CNST: variants seen among roughly 807,000 people sequenced by gnomAD.
The protein encoded by CNST is consortin.
Under a neutral mutation model 72.4 loss-of-function variants are expected in CNST, and 39 were observed. The observed-to-expected ratio is 0.54, with a 90% CI of 0.42 to 0.70. The LOEUF (loss-of-function observed/expected upper bound fraction) is 0.70. CNST is among the 30% of genes least tolerant of loss of function. CNST has a pLI of 0.00. For synonymous variants in CNST, 332 were observed against 320.1 expected (o/e 1.04, Z -0.40); for missense variants, 871 against 868.5 (o/e 1.00, Z -0.04).
At position 246,653,398 on chromosome 1, in the gene CNST, C is replaced by G. The variant is rs538300184; in HGVS notation, c.1836+5361C>G. ...TTATGAAATCACATTGGTAGCTGCTCTATGGATCCGGAACAAAAGAGGGTC... is the reference window on the plus strand; with the variant it reads ...TTATGAAATCACATTGGTAGCTGCTGTATGGATCCGGAACAAAAGAGGGTC... On this transcript the variant is annotated intron_variant, in intron 9 of 10. Coordinates refer to ENST00000366513, the MANE Select transcript of CNST (RefSeq NM_152609.3). Among the ~76,000 whole-genome samples the G allele has an allele frequency of 3.3e-5, 5 of 152,222 alleles. No homozygotes were observed. In the East Asian group the frequency reaches 7.7e-4, roughly 23 times the overall value.
intron 1 of CNST, among the ~76,000 whole-genome samples, chr1:246,578,453 A>G (rs1189195678): frequency 6.6e-6 from 1 of 151,960 alleles, no homozygotes; most frequent in Non-Finnish European, 1.5e-5. Context: ...TGGGCGGATC[A>G]TGAGGTAGGA....
chr1:246,638,912 G>C (rs937142697), intron 6 of CNST, among the ~76,000 whole-genome samples: 9 of 152,206 alleles, frequency 5.9e-5, no homozygotes, highest in African/African-American at 1.7e-4. Flanking sequence ...TCTATGAATA[G>C]AGCATACAGT....
At chr1:246,574,187 A>G (rs973841516) in intron 1 of CNST, among the ~76,000 whole-genome samples, 9 of 152,002 alleles carry the variant, frequency 5.9e-5, no homozygotes, top group Non-Finnish European at 1.2e-4. Flanking sequence ...GACTACAGGC[A>G]CCCGCCACCG....
At chr1:246,615,640 A>G (rs552136760) in intron 2 of CNST, among the ~76,000 whole-genome samples, 1 of 151,170 alleles carries the variant, frequency 6.6e-6, no homozygotes, top group Non-Finnish European at 1.5e-5. Context: ...GCACTTTGGG[A>G]GGCCGAGGCA....
chr1:246,618,706 T>C (rs1041192340), intron 2 of CNST, among the ~76,000 whole-genome samples: 1 of 152,202 alleles, frequency 6.6e-6, no homozygotes, highest in Non-Finnish European at 1.5e-5. Flanking sequence ...GTTTCTCTGG[T>C]TACATCATTT....
In CNST at chr1:246,647,990, A is replaced by C. The variant is rs777918966; in HGVS notation, c.1789A>C (p.Ser597Arg). 1 of 1,613,602 alleles carries C rather than the reference A, an allele frequency of 6.2e-7. No individual in the cohort carries two copies. The highest frequency in any genetic ancestry group is 2.2e-5 in the East Asian group (1 of 44,890). Residue 597 changes from serine (S) to arginine (R), a missense_variant, in exon 9 of 11, where the codon AGC becomes CGC. Coordinates refer to ENST00000366513, the MANE Select transcript of CNST (RefSeq NM_152609.3). ...SLQENLPSDE[S>R]CLSLDDLAKR... ...CCAGGAGAATCTGCCTTCTGATGAG[A>C]GCTGTCTTTCTCTTGATGATCTTGC...
At chr1:246,639,169 G>A (rs1285356970) in intron 6 of CNST, among the ~76,000 whole-genome samples, 1 of 152,050 alleles carries the variant, frequency 6.6e-6, no homozygotes, top group Non-Finnish European at 1.5e-5. Flanking sequence ...AGAACATGTA[G>A]TGCAACTCCA....
chr1:246,592,724 A>G (rs926719490), intron 2 of CNST, among the ~76,000 whole-genome samples: 11 of 152,218 alleles, frequency 7.2e-5, no homozygotes, highest in African/African-American at 2.7e-4. Flanking sequence ...GGTAAATAAA[A>G]TACAGGAACA....
chr1:246,568,661 C>A (rs1052386642), intron 1 of CNST, among the ~76,000 whole-genome samples: 1 of 152,182 alleles, frequency 6.6e-6, no homozygotes, highest in Non-Finnish European at 1.5e-5. Flanking sequence ...CTGCAACCTC[C>A]GCTTTTCGGG....
In CNST at chr1:246,642,036, A is replaced by T; in HGVS notation, c.936A>T (p.Ser312=). 1 of 1,589,230 alleles carries T rather than the reference A, an allele frequency of 6.3e-7. No individual in the cohort carries two copies. The highest frequency in any genetic ancestry group is 2.3e-5 in the East Asian group (1 of 44,252). ...AAGGAGGAGCTACCACCAAAGAGTC[A>T]GGTATGTTTTTAACTTAAGCTATGG... ...PKEGGATTKE[S]ESKTCLGTES... is the part of the protein sequence containing the mutation. The change falls in exon 8 of 11, where the codon TCA becomes TCT. Residue 312 remains serine (S), a splice_region_variant and synonymous_variant. Transcript: ENST00000366513.
At chr1:246,586,399 A>C (rs575830257) in intron 1 of CNST, among the ~76,000 whole-genome samples, 1 of 147,556 alleles carries the variant, frequency 6.8e-6, no homozygotes, top group East Asian at 1.9e-4. Context: ...TATATCAAAT[A>C]TATAACATAT....
At chr1:246,599,637 A>G (rs1032466957) in intron 2 of CNST, among the ~76,000 whole-genome samples, 1 of 152,150 alleles carries the variant, frequency 6.6e-6, no homozygotes, top group African/African-American at 2.4e-5. Flanking sequence ...GCTGGGCGCA[A>G]TGGCTCACAC....
At chr1:246,625,095 C>A (rs370689793) in intron 3 of CNST, among the ~76,000 whole-genome samples, 29 of 152,322 alleles carry the variant, frequency 1.9e-4, no homozygotes, top group East Asian at 7.7e-4. Flanking sequence ...ACATAACATA[C>A]AAGGCCATTA....
intron 9 of CNST, among the ~76,000 whole-genome samples, chr1:246,652,544 AT>A (rs1413367030): frequency 6.6e-6 from 1 of 152,196 alleles, no homozygotes; most frequent in Non-Finnish European, 1.5e-5. Context: ...TAAACCATTC[AT>A]TTTTCTTCAT....
intron 9 of CNST, among the ~76,000 whole-genome samples, chr1:246,654,440 T>C (rs1666659401): frequency 6.6e-6 from 1 of 152,222 alleles, no homozygotes; most frequent in Non-Finnish European, 1.5e-5. Context: ...CCCTGATCAC[T>C]GGAGTCCAGA....
chr1:246,640,435 A>G (rs941872798), intron 6 of CNST, among the ~76,000 whole-genome samples: 4 of 152,198 alleles, frequency 2.6e-5, no homozygotes, highest in African/African-American at 9.7e-5. Context: ...CTTGAATTGT[A>G]TCAAGGAGTT....
At position 246,591,549 on chromosome 1, in the gene CNST, C is replaced by A; in HGVS notation, c.-14C>A. 1 of 1,613,676 alleles carries A rather than the reference C, an allele frequency of 6.2e-7. No individual in the cohort carries two copies. ...TTTAATGTAACTTTAAATGGTTCAC[C>A]AAAGGATGCTCTAATGGATGACAGC... On this transcript the variant is annotated 5_prime_UTR_variant, in exon 2 of 11. Coordinates refer to ENST00000366513, the MANE Select transcript of CNST (RefSeq NM_152609.3).
At chr1:246,618,054 A>C (rs2103071700) in intron 2 of CNST, among the ~76,000 whole-genome samples, 1 of 152,302 alleles carries the variant, frequency 6.6e-6, no homozygotes, top group South Asian at 2.1e-4. Context: ...CAAGGGAGGA[A>C]CAATGGTTTT....
At position 246,573,992 on chromosome 1, in the gene CNST, C is replaced by T. The variant is rs78776933; in HGVS notation, c.-52+7329C>T. On this transcript the variant is annotated intron_variant, in intron 1 of 10. Transcript: ENST00000366513. Reference sequence around the variant, plus strand: ...CTCGAAGTGGTGGGGGGTAGAAGTACACATCTTTGCCTCTTTTTTCCTTCT... The same window carrying T: ...CTCGAAGTGGTGGGGGGTAGAAGTATACATCTTTGCCTCTTTTTTCCTTCT... Among the ~76,000 whole-genome samples, 878 of 152,298 alleles carry T rather than the reference C, an allele frequency of 5.8e-3. 10 individuals carry two copies. The highest frequency in any genetic ancestry group is 0.02 in the African/African-American group (812 of 41,560).
Sources: allele counts gnomAD v4.1 joint callset (sites outside exome capture counted in the v4.1 genomes callset), GRCh38; gene constraint gnomAD v4.1.1; transcripts MANE v1.5; gene names NCBI Gene and HGNC (gene_info 2026-07-23, HGNC 2026-07-21).